The following PARN variants were observed in gnomAD, a reference collection of about 807,000 sequenced individuals.
PARN encodes the protein poly(A)-specific ribonuclease PARN.
A neutral mutation model predicts 102.8 loss-of-function variants in PARN; 71 were observed. The observed-to-expected ratio is 0.69, with a 90% CI of 0.57 to 0.84. The LOEUF (loss-of-function observed/expected upper bound fraction) is 0.84. Ranked by LOEUF, PARN falls within the 40% of genes least tolerant of loss-of-function variation. The pLI, the probability that PARN is intolerant of heterozygous loss-of-function variation, is 0.00. For synonymous variants in PARN, 261 were observed against 252.9 expected (o/e 1.03, Z -0.30); for missense variants, 782 against 760.9 (o/e 1.03, Z -0.33).
At position 14,482,639 on chromosome 16, in the gene PARN, T is replaced by C. The variant is rs773124965; in HGVS notation, c.1669A>G (p.Ser557Gly). The C allele has an allele frequency of 6.3e-7, 1 of 1,596,596 alleles. No individual in the cohort carries two copies. The highest frequency in any genetic ancestry group is 8.5e-7 in the Non-Finnish European group (1 of 1,172,956). The change falls in exon 22 of 24, where the codon AGT becomes GGT. Residue 557 changes from serine (S) to glycine (G), a missense_variant and splice_region_variant. Transcript: ENST00000437198. ...AAATTAACAGCTGAGAGCTCTTACC[T>C]ATTGTTGCGGTAATAGTGATTCTGC... ...TLQNHYYRNNSFTAPSTVGKR... is the reference protein window; with the variant it reads ...TLQNHYYRNNGFTAPSTVGKR...
rs376573803 is a variant in PARN at position 14,492,237 on chromosome 16, T to C, written c.1481-9410A>G. On this transcript the variant is annotated intron_variant, in intron 21 of 23. Coordinates refer to ENST00000437198, the MANE Select transcript of PARN (RefSeq NM_002582.4). ...AGGGGACAGACAAAACTAGGGAAGA[T>C]AGTGGAGGACGGCATTCCTTCCTCT... Among the ~76,000 whole-genome samples the C allele has an allele frequency of 1.3e-4, 20 of 152,290 alleles. No homozygotes were observed. In the East Asian group the frequency reaches 1.4e-3, roughly 10 times the overall value.
At chr16:14,459,969 C>T (rs1180020759) in intron 22 of PARN, among the ~76,000 whole-genome samples, 3 of 151,922 alleles carry the variant, frequency 2.0e-5, no homozygotes, top group East Asian at 1.9e-4. Context: ...GCCTCATAAC[C>T]GTATATAAAA....
chr16:14,479,913 C>T (rs2151593670), intron 22 of PARN, among the ~76,000 whole-genome samples: 1 of 147,302 alleles, frequency 6.8e-6, no homozygotes, highest in Admixed American at 6.7e-5. Flanking sequence ...AATTACAAAC[C>T]TTCTACCAAA....
chr16:14,586,020 TCACCCAGGCTGGATAGTAG>T (rs1238475594), intron 14 of PARN, among the ~76,000 whole-genome samples: 6 of 150,092 alleles, frequency 4.0e-5, no homozygotes, highest in Non-Finnish European at 8.9e-5. Flanking sequence ...TCTCACTCTG[TCACCCAGGCTGGATAGTAG>T]CACTATTATG....
chr16:14,602,723 C>T (rs1467178294), intron 11 of PARN, among the ~76,000 whole-genome samples: 1 of 152,162 alleles, frequency 6.6e-6, no homozygotes, highest in East Asian at 1.9e-4. Context: ...ATGAGGCCAG[C>T]TCCCACCCCC....
intron 21 of PARN, among the ~76,000 whole-genome samples, chr16:14,528,815 G>C (rs766805094): frequency 6.6e-6 from 1 of 152,072 alleles, no homozygotes; most frequent in Admixed American, 6.5e-5. Flanking sequence ...AAAATAACTC[G>C]AGAGATTGTT....
chr16:14,606,384 A>G, intron 10 of PARN, 100 bp downstream of exon 10: 1 of 598,430 alleles, frequency 1.7e-6, no homozygotes, highest in East Asian at 3.1e-5. Context: ...GTAATCAGAG[A>G]AAGACCCTGA....
chr16:14,467,286 G>T (rs1962420027), intron 22 of PARN, among the ~76,000 whole-genome samples: 1 of 152,158 alleles, frequency 6.6e-6, no homozygotes, highest in Non-Finnish European at 1.5e-5. Context: ...CCACCTGATA[G>T]GCTGCTCATC....
chr16:14,536,575 T>C (rs1966615849), intron 21 of PARN, among the ~76,000 whole-genome samples: 1 of 152,224 alleles, frequency 6.6e-6, no homozygotes, highest in Non-Finnish European at 1.5e-5. Flanking sequence ...ATCTTGATCC[T>C]GCAGATGTAT....
chr16:14,452,545 C>A (rs1961510906), intron 22 of PARN, among the ~76,000 whole-genome samples: 1 of 152,190 alleles, frequency 6.6e-6, no homozygotes, highest in Non-Finnish European at 1.5e-5. Flanking sequence ...CCATGTTGGC[C>A]AGGCTGGTCT....
At chr16:14,609,632 ACTG>A (rs1299250516) in intron 7 of PARN, among the ~76,000 whole-genome samples, 1 of 152,210 alleles carries the variant, frequency 6.6e-6, no homozygotes, top group Non-Finnish European at 1.5e-5. Flanking sequence ...GAAGAGGGTT[ACTG>A]CTGCTATTTA....
At chr16:14,563,532 C>CT (rs1968231154) in intron 18 of PARN, among the ~76,000 whole-genome samples, 1 of 136,288 alleles carries the variant, frequency 7.3e-6, no homozygotes, top group Non-Finnish European at 1.6e-5. Context: ...GTATATAATT[C>CT]TTTTAAGTTC....
chr16:14,546,786 G>A (rs1966971660), intron 21 of PARN, among the ~76,000 whole-genome samples: 1 of 152,068 alleles, frequency 6.6e-6, no homozygotes, highest in African/African-American at 2.4e-5. Flanking sequence ...ATATAAACAA[G>A]CTATTCAGAT....
At chr16:14,621,664 T>C (rs994848449) in intron 5 of PARN, among the ~76,000 whole-genome samples, 1 of 151,862 alleles carries the variant, frequency 6.6e-6, no homozygotes, top group African/African-American at 2.4e-5. Context: ...TACAAAAAAT[T>C]AGCTGGGCAT....
At chr16:14,559,481 G>C (rs547282166) in intron 18 of PARN, among the ~76,000 whole-genome samples, 1 of 151,722 alleles carries the variant, frequency 6.6e-6, no homozygotes, top group Non-Finnish European at 1.5e-5. Flanking sequence ...TGTTTGGATA[G>C]AGGCATGCAA....
chr16:14,544,737 A>T (rs1005241444), intron 21 of PARN, among the ~76,000 whole-genome samples: 4 of 152,230 alleles, frequency 2.6e-5, no homozygotes, highest in Admixed American at 6.5e-5. Context: ...AAGACAAAAC[A>T]ATCATAAATA....
intron 6 of PARN, among the ~76,000 whole-genome samples, chr16:14,613,136 C>G (rs1319182049): frequency 1.3e-5 from 2 of 151,392 alleles, no homozygotes; most frequent in South Asian, 4.2e-4. Flanking sequence ...ATGGAGAAAC[C>G]CTGTCTCTAC....
intron 21 of PARN, among the ~76,000 whole-genome samples, chr16:14,528,545 T>C (rs1282237867): frequency 1.3e-5 from 2 of 152,230 alleles, no homozygotes; most frequent in African/African-American, 2.4e-5. Flanking sequence ...ACAGTCTCCA[T>C]GATGCAGCAA....
At chr16:14,600,294 C>T (rs2151780572) in intron 11 of PARN, among the ~76,000 whole-genome samples, 1 of 152,310 alleles carries the variant, frequency 6.6e-6, no homozygotes, top group South Asian at 2.1e-4. Flanking sequence ...AAAGTTGCCA[C>T]CTGCAGGCTA....
Sources: allele counts gnomAD v4.1 joint callset (sites outside exome capture counted in the v4.1 genomes callset), GRCh38; gene constraint gnomAD v4.1.1; transcripts MANE v1.5; gene names NCBI Gene and HGNC (gene_info 2026-07-23, HGNC 2026-07-21).